Variants in TUT4 observed in about 807,000 individuals in gnomAD.
The protein encoded by TUT4 is terminal uridylyl transferase 4.
TUT4 carries 36 observed loss-of-function variants against 192.2 expected under a neutral mutation model. The ratio of observed to expected loss-of-function variants is 0.19; its 90% CI spans 0.14 to 0.25. The LOEUF (loss-of-function observed/expected upper bound fraction) is 0.25, where lower values mean the gene tolerates loss of function less well. Ranked by LOEUF, TUT4 falls within the 10% of genes least tolerant of loss-of-function variation. The pLI is 1.00. For missense variants in TUT4, 1,493 were observed against 1,957.2 expected, an observed-to-expected ratio of 0.76 and a Z score of 4.47; for synonymous variants, 618 against 666.0, an observed-to-expected ratio of 0.93 and a Z score of 1.11.
At position 52,444,644 on chromosome 1, in the gene TUT4, TAATCTA is replaced by T. The variant is rs1284870809; in HGVS notation, c.3822+1137_3822+1142del. Among the ~76,000 whole-genome samples, 5 of 149,886 alleles carry T rather than the reference TAATCTA, an allele frequency of 3.3e-5. No homozygotes were observed. The East Asian group carries it at 9.7e-4, about 29-fold the overall frequency. On this transcript the variant is annotated intron_variant, in intron 24 of 29. Coordinates refer to ENST00000257177, the MANE Select transcript of TUT4 (RefSeq NM_001009881.3). ...GGGCTGGGGAAGGCACATCTGCACT[TAATCTA>T]GTGTGCATAATTTAATCATCTTCCA...
intron 15 of TUT4, among the ~76,000 whole-genome samples, chr1:52,465,954 C>T (rs1663992358): frequency 1.3e-5 from 2 of 151,988 alleles, no homozygotes; most frequent in Non-Finnish European, 2.9e-5. Flanking sequence ...AATCATTATA[C>T]ACTACAGTCT....
chr1:52,467,811 T>C (rs1664638005), intron 15 of TUT4, among the ~76,000 whole-genome samples: 1 of 152,184 alleles, frequency 6.6e-6, no homozygotes, highest in South Asian at 2.1e-4. Context: ...TCTATTCTTG[T>C]TCCATCAACA....
intron 24 of TUT4, among the ~76,000 whole-genome samples, chr1:52,441,341 T>G (rs1655470440): frequency 6.7e-6 from 1 of 149,730 alleles, no homozygotes; most frequent in African/African-American, 2.5e-5. Context: ...TGGAGTGCAG[T>G]GCTGCAATCT....
intron 9 of TUT4, among the ~76,000 whole-genome samples, chr1:52,482,257 C>T (rs1668663702): frequency 1.3e-5 from 2 of 152,054 alleles, no homozygotes; most frequent in African/African-American, 2.4e-5. Flanking sequence ...TTCTTCTAGG[C>T]CTTTTTCTAT....
At chr1:52,475,659 A>G (rs1443445852) in intron 12 of TUT4, 124 bp from the exon 13 acceptor site, 1 of 853,234 alleles carries the variant, frequency 1.2e-6, no homozygotes, top group Non-Finnish European at 1.7e-6. Context: ...GGTTTTTCTA[A>G]GCTAGACTCC....
intron 13 of TUT4, 38 bp downstream of exon 13, chr1:52,474,794 C>A: frequency 6.6e-7 from 1 of 1,509,628 alleles, no homozygotes; most frequent in South Asian, 1.3e-5. Flanking sequence ...ATACAACAAC[C>A]ACAAAATCTT....
intron 1 of TUT4, among the ~76,000 whole-genome samples, chr1:52,527,489 T>C (rs1571309006): frequency 1.3e-5 from 2 of 151,742 alleles, no homozygotes; most frequent in East Asian, 3.9e-4. Context: ...GAGGCGGAGG[T>C]TGCAGTGAGC....
chr1:52,522,885 A>C (rs1680657517), intron 2 of TUT4, among the ~76,000 whole-genome samples: 1 of 151,320 alleles, frequency 6.6e-6, no homozygotes, highest in South Asian at 2.1e-4. Context: ...AGATCACACC[A>C]CTGCACTCCA....
At chr1:52,536,359 T>A (rs966745951) in intron 1 of TUT4, among the ~76,000 whole-genome samples, 4 of 152,060 alleles carry the variant, frequency 2.6e-5, no homozygotes, top group African/African-American at 9.7e-5. Flanking sequence ...CCCCAAGGCA[T>A]CCACTAAGAA....
At chr1:52,458,689 C>CAAACAAAA (rs1010635923) in intron 19 of TUT4, among the ~76,000 whole-genome samples, 3 of 151,982 alleles carry the variant, frequency 2.0e-5, no homozygotes, top group Admixed American at 2.0e-4. Context: ...AACAAACAAA[C>CAAACAAAA]AAACAAAAAA....
intron 2 of TUT4, among the ~76,000 whole-genome samples, chr1:52,520,238 T>C (rs1679884141): frequency 6.6e-6 from 1 of 152,184 alleles, no homozygotes; most frequent in Admixed American, 6.5e-5. Flanking sequence ...TCACAGATCG[T>C]GTAAGGCTCT....
Position 52,431,063 on chromosome 1 carries a change from C to T in TUT4, c.4661G>A (p.Arg1554His), listed in dbSNP as rs952686777. The T allele has an allele frequency of 4.3e-6, 7 of 1,611,824 alleles. No individual in the cohort carries two copies. Among genetic ancestry groups the T allele is most frequent in the South Asian group, 1.1e-5 (1 of 90,864 alleles). Residue 1554 changes from arginine to histidine, a missense_variant, in exon 28 of 30, where the codon CGT becomes CAT. Around this residue, in one of 7 missense-constraint regions of TUT4, gnomAD observed 351 missense variants for 397.8 expected, o/e 0.88. Transcript: ENST00000257177. ...TACCAGGGAATTTGGAGCCACAGTA[C>T]GGGGCCAGTGTCCATCGTGAGACGT... is the stretch of plus-strand genomic sequence containing the variant. ...PNTSHDGHWPRTVAPNSLVNS... is the reference protein window; with the variant it reads ...PNTSHDGHWPHTVAPNSLVNS...
intron 14 of TUT4, among the ~76,000 whole-genome samples, chr1:52,471,690 T>A (rs981921451): frequency 2.6e-5 from 4 of 152,212 alleles, no homozygotes; most frequent in African/African-American, 9.6e-5. Context: ...AAAAGCCACA[T>A]AGGCTAGAAG....
rs1233415490 is a variant in TUT4, at chr1:52,425,417, C to T, written c.4802G>A (p.Gly1601Asp). Residue 1601 changes from glycine to aspartate, a missense_variant, in exon 29 of 30, where the codon GGT (glycine) becomes GAT (aspartate). Physicochemically the swap from Gly to Asp is moderately conservative, Grantham distance 94. Transcript: ENST00000257177. Reference protein sequence around the residue: ...FPLVPASWPYGLHQNFMHQGN... With the variant: ...FPLVPASWPYDLHQNFMHQGN... ...CTGATGCATGAAGTTTTGATGCAAA[C>T]CATAAGGCCACGAAGCTGGGACAAG... 1 of 1,613,968 alleles carries T rather than the reference C, an allele frequency of 6.2e-7. No homozygotes were observed. The highest frequency in any genetic ancestry group is 1.1e-5 in the South Asian group (1 of 91,060).
intron 27 of TUT4, 110 bp downstream of exon 27, chr1:52,435,255 C>G: frequency 1.3e-6 from 1 of 798,600 alleles, no homozygotes; most frequent in Non-Finnish European, 2.0e-6. Flanking sequence ...ATACAAAGCA[C>G]TGTGTAATCT....
chr1:52,475,002 T>G lies in TUT4; in HGVS notation c.2557A>C (p.Arg853=). The G allele has an allele frequency of 6.2e-7, 1 of 1,614,226 alleles. No individual in the cohort carries two copies. The highest frequency in any genetic ancestry group is 8.5e-7 in the Non-Finnish European group (1 of 1,180,026). The part of the protein sequence containing the change: ...DPDKSTGTDC[R]SNLETESSHQ... ...GAACTCTCTGTTTCTAAATTTGACCTGCAGTCTGTTCCAGTAGATTTATCT... is the reference window on the plus strand; with the variant it reads ...GAACTCTCTGTTTCTAAATTTGACCGGCAGTCTGTTCCAGTAGATTTATCT... Residue 853 remains arginine (R), a synonymous_variant, in exon 13 of 30, where the codon AGG becomes CGG. Coordinates refer to ENST00000257177, the MANE Select transcript of TUT4 (RefSeq NM_001009881.3).
intron 2 of TUT4, among the ~76,000 whole-genome samples, chr1:52,524,347 C>T (rs1393015163): frequency 1.3e-5 from 2 of 151,224 alleles, no homozygotes; most frequent in African/African-American, 2.4e-5. Context: ...CACGGTGAAA[C>T]CCCGTCTCTA....
chr1:52,523,842 G>C (rs562240133), intron 2 of TUT4, among the ~76,000 whole-genome samples: 3 of 152,092 alleles, frequency 2.0e-5, no homozygotes, highest in Non-Finnish European at 1.5e-5. Flanking sequence ...CATCATCTGT[G>C]TACCACAAGA....
chr1:52,450,559 T>C (rs1238356980), intron 20 of TUT4, among the ~76,000 whole-genome samples: 3 of 152,038 alleles, frequency 2.0e-5, no homozygotes, highest in Admixed American at 1.3e-4. Flanking sequence ...ATCATAATAG[T>C]AAAAATAATA....
Sources: gnomAD v4.1 joint callset for allele counts (sites outside exome capture counted in the v4.1 genomes callset) on GRCh38, gnomAD v4.1.1 for gene constraint, gnomAD v4.1.1 regional missense constraint, MANE v1.5 for transcripts, NCBI Gene and HGNC (gene_info 2026-07-23, HGNC 2026-07-21) for gene names.